The following KRABD2 variants were observed in gnomAD, a reference collection of about 807,000 sequenced individuals.
KRABD2 encodes the protein KRAB domain-containing protein 2.
chr17:8,372,812 C>G, the KRABD2 span, among the ~76,000 whole-genome samples: 1 of 152,080 alleles, frequency 6.6e-6, no homozygotes, highest in African/African-American at 2.4e-5. This position sits in a 1 kb window ranked among gnomAD's most constrained non-coding sequence, Gnocchi z 4.1. Flanking sequence ...GCCTGTAATC[C>G]TAACACTTTG....
the KRABD2 span, chr17:8,371,347 T>C: frequency 6.2e-7 from 1 of 1,614,120 alleles, no homozygotes; most frequent in Admixed American, 1.7e-5. Context: ...CAGCATTGTG[T>C]CTCTGTAGCA....
At chr17:8,376,665 T>A in the KRABD2 span, 1 of 984,976 alleles carries the variant, frequency 1.0e-6, no homozygotes, top group Non-Finnish European at 1.2e-6. Flanking sequence ...ACGCGGCGTC[T>A]GAATCCCCCT....
At chr17:8,370,429 C>T in the KRABD2 span, 200 of 1,285,134 alleles carry the variant, frequency 1.6e-4, 1 homozygote, top group South Asian at 2.0e-3. Flanking sequence ...TTCACTGACA[C>T]TCCCACCTGG....
At chr17:8,375,230 C>G in the KRABD2 span, among the ~76,000 whole-genome samples, 1 of 152,016 alleles carries the variant, frequency 6.6e-6, no homozygotes, top group African/African-American at 2.4e-5. Flanking sequence ...CCAGGATGGT[C>G]TCGATCTCCT....
chr17:8,363,817 TATATATATCATAC>T, the KRABD2 span, among the ~76,000 whole-genome samples: 22 of 115,712 alleles, frequency 1.9e-4, no homozygotes, highest in South Asian at 4.8e-3. Flanking sequence ...ATATCATACA[TATATATATCATAC>T]ATATATATAT....
the KRABD2 span, chr17:8,369,573 A>G: frequency 6.7e-5 from 108 of 1,614,088 alleles, 1 homozygote; most frequent in South Asian, 4.2e-4. Flanking sequence ...ACCAGATACA[A>G]TCTTTAGGTC....
At chr17:8,369,620 T>G in the KRABD2 span, 1 of 1,614,218 alleles carries the variant, frequency 6.2e-7, no homozygotes. Flanking sequence ...CAACCTGGTT[T>G]GTGAACTCAA....
At chr17:8,372,802 G>A in the KRABD2 span, among the ~76,000 whole-genome samples, 1 of 152,182 alleles carries the variant, frequency 6.6e-6, no homozygotes, top group Admixed American at 6.5e-5. This position sits in a 1 kb window ranked among gnomAD's most constrained non-coding sequence, Gnocchi z 4.1. Context: ...GGTGGCTCAT[G>A]CCTGTAATCC....
the KRABD2 span, among the ~76,000 whole-genome samples, chr17:8,367,372 G>A: frequency 6.6e-6 from 1 of 151,936 alleles, no homozygotes; most frequent in African/African-American, 2.4e-5. Flanking sequence ...GGGGGTGCGT[G>A]CCTGTAGTCC....
chr17:8,363,859 A>ATATTTATT, the KRABD2 span, among the ~76,000 whole-genome samples: 2 of 74,966 alleles, frequency 2.7e-5, no homozygotes, highest in East Asian at 4.4e-4. Context: ...ATATATATAT[A>ATATTTATT]TATTTATTTA....
At chr17:8,375,911 C>T in the KRABD2 span, 499 of 1,229,178 alleles carry the variant, frequency 4.1e-4, 1 homozygote, top group African/African-American at 7.1e-3. Context: ...TGTGAGTCTT[C>T]GCCTTGGCTG....
the KRABD2 span, chr17:8,370,421 C>A: frequency 7.4e-7 from 1 of 1,344,834 alleles, no homozygotes; most frequent in South Asian, 1.4e-5. Context: ...AAGTTAAATT[C>A]ACTGACACTC....
At chr17:8,374,928 A>G in the KRABD2 span, among the ~76,000 whole-genome samples, 1 of 91,278 alleles carries the variant, frequency 1.1e-5, no homozygotes, top group Non-Finnish European at 2.1e-5. Flanking sequence ...ACAGAGCCAG[A>G]CTCTGTCACA....
At chr17:8,369,707 G>T in the KRABD2 span, 1 of 1,614,034 alleles carries the variant, frequency 6.2e-7, no homozygotes, top group African/African-American at 1.3e-5. Context: ...CCACCTCATG[G>T]GCCTGTTTGG....
At chr17:8,370,160 C>T in the KRABD2 span, 2 of 1,613,638 alleles carry the variant, frequency 1.2e-6, no homozygotes, top group East Asian at 2.2e-5. Flanking sequence ...CACGTGATGA[C>T]TTCTTCCCTT....
At chr17:8,374,439 G>C in the KRABD2 span, among the ~76,000 whole-genome samples, 1 of 151,972 alleles carries the variant, frequency 6.6e-6, no homozygotes. Flanking sequence ...TGCTCGCTAA[G>C]AGTCATCACC....
the KRABD2 span, chr17:8,371,379 A>G: frequency 6.2e-7 from 1 of 1,614,172 alleles, no homozygotes; most frequent in South Asian, 1.1e-5. Flanking sequence ...AGCCTTCTAA[A>G]TAATTCCAAT....
At chr17:8,371,707 A>G in the KRABD2 span, 30 of 1,356,566 alleles carry the variant, frequency 2.2e-5, no homozygotes, top group Non-Finnish European at 2.7e-5. Flanking sequence ...TAGCCCATTT[A>G]TTAATCTTTC....
chr17:8,363,427 C>G, the KRABD2 span, among the ~76,000 whole-genome samples: 1 of 152,178 alleles, frequency 6.6e-6, no homozygotes, highest in African/African-American at 2.4e-5. Flanking sequence ...TCTCAGCTCA[C>G]TGCAACCTCC....
Sources: allele counts gnomAD v4.1 joint callset (sites outside exome capture counted in the v4.1 genomes callset), GRCh38; gene constraint gnomAD v4.1.1; non-coding constraint Gnocchi (gnomAD v3.1); transcripts MANE v1.5; gene names NCBI Gene and HGNC (gene_info 2026-07-23, HGNC 2026-07-21).